UBA6: variants seen among roughly 807,000 people sequenced by gnomAD.
UBA6 encodes the protein ubiquitin like modifier activating enzyme 6.
A neutral mutation model predicts 148.3 loss-of-function variants in UBA6; 87 were observed. The observed-to-expected ratio is 0.59, with a 90% confidence interval of 0.49 to 0.70. The LOEUF (loss-of-function observed/expected upper bound fraction) is 0.70, where lower values mean the gene tolerates loss of function less well. Among genes scored for constraint, UBA6 ranks in the 30% least tolerant of loss-of-function variants. The pLI is 0.00. For synonymous variants in UBA6, 376 were observed against 401.0 expected, an observed-to-expected ratio of 0.94 and a Z score of 0.75; for missense variants, 1,186 against 1,241.2, an observed-to-expected ratio of 0.96 and a Z score of 0.67.
intron 9 of UBA6, among the ~76,000 whole-genome samples, chr4:67,667,385 A>T (rs986773535): frequency 3.9e-5 from 6 of 152,196 alleles, no homozygotes; most frequent in Non-Finnish European, 5.9e-5. Flanking sequence ...ACCTGTATTT[A>T]AAATAATTAG....
chr4:67,628,493 A>G (rs181762953), intron 27 of UBA6, among the ~76,000 whole-genome samples: 179 of 151,300 alleles, frequency 1.2e-3, no homozygotes, highest in Admixed American at 4.5e-3. Context: ...GGTTTTCCTC[A>G]CTTCCATCCC....
At chr4:67,622,300 T>A (rs1033911150) in intron 32 of UBA6, among the ~76,000 whole-genome samples, 2 of 152,232 alleles carry the variant, frequency 1.3e-5, no homozygotes, top group African/African-American at 4.8e-5. Context: ...CTCAGTATAA[T>A]ATAGCAACTC....
intron 2 of UBA6, among the ~76,000 whole-genome samples, chr4:67,694,905 C>G (rs1730796020): frequency 6.6e-6 from 1 of 152,176 alleles, no homozygotes. Flanking sequence ...GTGCTAACAG[C>G]TACACCAAAA....
chr4:67,631,930 A>C (rs1729008226), intron 23 of UBA6, 22 bp from the exon 24 acceptor site: 1 of 1,604,378 alleles, frequency 6.2e-7, no homozygotes, highest in African/African-American at 1.3e-5. Context: ...AAATGAATTA[A>C]AGACACCCAC....
chr4:67,649,331 A>C, intron 13 of UBA6, 120 bp from the exon 14 acceptor site: 1 of 952,802 alleles, frequency 1.0e-6, no homozygotes, highest in South Asian at 2.2e-5. Flanking sequence ...CAGTTCCCCT[A>C]CTAAATATCT....
At chr4:67,639,791 A>G (rs1194433010) in intron 18 of UBA6, among the ~76,000 whole-genome samples, 1 of 152,168 alleles carries the variant, frequency 6.6e-6, no homozygotes, top group Non-Finnish European at 1.5e-5. Context: ...ACAATAAAAC[A>G]ATACAATCAT....
chr4:67,681,950 G>A (rs924902165), intron 3 of UBA6, among the ~76,000 whole-genome samples, 169 bp downstream of exon 3: 1 of 152,078 alleles, frequency 6.6e-6, no homozygotes, highest in Non-Finnish European at 1.5e-5. Flanking sequence ...GGTTCTTTGT[G>A]GAAGAATATA....
At chr4:67,687,480 A>C (rs1298684930) in intron 2 of UBA6, among the ~76,000 whole-genome samples, 1 of 152,236 alleles carries the variant, frequency 6.6e-6, no homozygotes, top group African/African-American at 2.4e-5. Context: ...GGCCATGTTA[A>C]TTCTACTGTA....
At position 67,638,951 on chromosome 4, in the gene UBA6, G is replaced by A. The variant is rs769452976; in HGVS notation, c.1728C>T (p.Tyr576=). ...TALDNVEARR[Y]VDSRCLANLR... The stretch of plus-strand genomic sequence containing the variant: ...GAATTTCAAGAACATACCTGTCTAC[G>A]TATCTCCTGGCTTCCACATTATCTA... Residue 576 remains tyrosine (Y), a synonymous_variant, in exon 19 of 33, where the codon TAC becomes TAT. Coordinates refer to ENST00000322244, the MANE Select transcript of UBA6 (RefSeq NM_018227.6). 131 of 1,602,300 alleles carry A rather than the reference G, an allele frequency of 8.2e-5. No homozygotes were observed. Among genetic ancestry groups the A allele is most frequent in the Non-Finnish European group, 9.7e-5 (114 of 1,172,678 alleles).
intron 1 of UBA6, among the ~76,000 whole-genome samples, chr4:67,699,266 G>A (rs1201466081): frequency 6.6e-6 from 1 of 152,192 alleles, no homozygotes; most frequent in Admixed American, 6.5e-5. Context: ...AGAAGCTCTA[G>A]TTGTCAATTA....
At chr4:67,653,266 C>T (rs1222129589) in intron 13 of UBA6, among the ~76,000 whole-genome samples, 1 of 152,190 alleles carries the variant, frequency 6.6e-6, no homozygotes, top group Non-Finnish European at 1.5e-5. Flanking sequence ...TGGGAAACAC[C>T]TCCCAGTAGG....
chr4:67,669,162 A>G (rs1730080322), intron 8 of UBA6, among the ~76,000 whole-genome samples: 1 of 152,208 alleles, frequency 6.6e-6, no homozygotes, highest in Non-Finnish European at 1.5e-5. Context: ...TATATTTCCT[A>G]TAGTATTCAA....
intron 32 of UBA6, among the ~76,000 whole-genome samples, chr4:67,620,175 A>T (rs1452401670): frequency 6.6e-6 from 1 of 152,216 alleles, no homozygotes; most frequent in African/African-American, 2.4e-5. Flanking sequence ...CAAATTCAGA[A>T]TTTAGTAGGA....
chr4:67,657,321 G>A (rs1729722741), intron 13 of UBA6, among the ~76,000 whole-genome samples: 1 of 152,176 alleles, frequency 6.6e-6, no homozygotes, highest in Non-Finnish European at 1.5e-5. Context: ...CATGGTACTG[G>A]TACCAGAACA....
intron 2 of UBA6, among the ~76,000 whole-genome samples, chr4:67,692,853 A>C (rs1463519438): frequency 2.0e-5 from 3 of 152,200 alleles, no homozygotes; most frequent in Non-Finnish European, 2.9e-5. Context: ...AAAGTCTGGA[A>C]GATTATACCA....
At chr4:67,646,630 T>C in intron 15 of UBA6, 94 bp downstream of exon 15, 1 of 859,682 alleles carries the variant, frequency 1.2e-6, no homozygotes, top group Non-Finnish European at 1.8e-6. Context: ...AAAAGTGATT[T>C]GGGAGAAAAG....
At chr4:67,682,626 A>G (rs2109951574) in intron 2 of UBA6, among the ~76,000 whole-genome samples, 1 of 152,326 alleles carries the variant, frequency 6.6e-6, no homozygotes, top group East Asian at 1.9e-4. Flanking sequence ...ACAACAAAAA[A>G]AATTTGGTTC....
intron 4 of UBA6, among the ~76,000 whole-genome samples, chr4:67,678,757 G>T (rs1730352312): frequency 6.6e-6 from 1 of 152,150 alleles, no homozygotes. Context: ...TGACAACATA[G>T]TCTATTGGTG....
At position 67,631,695 on chromosome 4, in the gene UBA6, T is replaced by A. The variant is rs745971806; in HGVS notation, c.2258+13A>T. Reference sequence around the variant, plus strand: ...ATAATGAAGGATACATAAAACTAAATATAAATACTTACAAAGGCTCATTTA... The same window carrying A: ...ATAATGAAGGATACATAAAACTAAAAATAAATACTTACAAAGGCTCATTTA... On this transcript the variant is annotated intron_variant, in intron 25 of 32. Coordinates refer to ENST00000322244, the MANE Select transcript of UBA6 (RefSeq NM_018227.6). 5 of 1,583,512 alleles carry A rather than the reference T, an allele frequency of 3.2e-6. No individual in the cohort carries two copies. The African/African-American group carries it at 6.8e-5, about 22-fold the overall frequency.
Sources: gnomAD v4.1 joint callset for allele counts (sites outside exome capture counted in the v4.1 genomes callset) on GRCh38, gnomAD v4.1.1 for gene constraint, MANE v1.5 for transcripts, NCBI Gene and HGNC (gene_info 2026-07-23, HGNC 2026-07-21) for gene names.